The following CHLSN variants were observed in gnomAD, a reference collection of about 807,000 sequenced individuals.
The protein encoded by CHLSN is cholesin.
the CHLSN span, among the ~76,000 whole-genome samples, chr7:990,764 C>T: frequency 6.6e-6 from 1 of 152,086 alleles, no homozygotes; most frequent in Non-Finnish European, 1.5e-5. Context: ...TGAAATATGA[C>T]ACTGAAAACT....
the CHLSN span, among the ~76,000 whole-genome samples, chr7:998,457 C>CTTTTTTTTTTT: frequency 7.4e-5 from 7 of 95,012 alleles, no homozygotes; most frequent in Non-Finnish European, 1.0e-4. Context: ...GTCTTAGATT[C>CTTTTTTTTTTT]TTTTTTTTTT....
the CHLSN span, chr7:1,028,225 G>A: frequency 6.5e-6 from 7 of 1,077,886 alleles, no homozygotes; most frequent in African/African-American, 1.0e-4. Context: ...CCTCCCTGCA[G>A]CCCGAATGCG....
At chr7:1,078,049 G>A in the CHLSN span, 1 of 152,172 alleles carries the variant, frequency 6.6e-6, no homozygotes, top group Non-Finnish European at 1.5e-5. Context: ...TTAAATAAAA[G>A]AAAATACGGT....
the CHLSN span, among the ~76,000 whole-genome samples, chr7:1,077,023 C>T: frequency 7.9e-5 from 12 of 152,272 alleles, no homozygotes; most frequent in African/African-American, 1.2e-4. Context: ...CCGAGACCCC[C>T]GGCCTGGGCC....
the CHLSN span, among the ~76,000 whole-genome samples, chr7:994,213 A>C: frequency 3.9e-5 from 6 of 152,222 alleles, no homozygotes; most frequent in Admixed American, 2.0e-4. Flanking sequence ...GCTGGAGTGC[A>C]ATGGCACGAT....
At chr7:1,136,129 AAT>A in the CHLSN span, among the ~76,000 whole-genome samples, 7 of 81,080 alleles carry the variant, frequency 8.6e-5, no homozygotes, top group African/African-American at 1.4e-4. Context: ...AATATATATA[AAT>A]ATATACATAA....
chr7:1,007,058 G>A, the CHLSN span, among the ~76,000 whole-genome samples: 8 of 152,208 alleles, frequency 5.3e-5, no homozygotes, highest in Admixed American at 1.3e-4. Context: ...CTGGGTCGAC[G>A]TGTCTTGGGG....
chr7:988,373 A>G, the CHLSN span: 1 of 1,612,654 alleles, frequency 6.2e-7, no homozygotes, highest in Non-Finnish European at 8.5e-7. Context: ...CCTGGACGCG[A>G]ATGGGCACTT....
chr7:1,027,539 C>A, the CHLSN span, among the ~76,000 whole-genome samples: 2 of 152,276 alleles, frequency 1.3e-5, no homozygotes, highest in African/African-American at 4.8e-5. Flanking sequence ...CCGGCTGAGC[C>A]CCGACGCAGC....
At chr7:981,932 C>A in the CHLSN span, among the ~76,000 whole-genome samples, 1 of 152,072 alleles carries the variant, frequency 6.6e-6, no homozygotes, top group Non-Finnish European at 1.5e-5. Flanking sequence ...ATTTGGGAGG[C>A]TGAGGTGGGA....
chr7:988,164 C>G, the CHLSN span: 1 of 1,279,630 alleles, frequency 7.8e-7, no homozygotes, highest in Non-Finnish European at 1.1e-6. Context: ...GGTGGGCTAA[C>G]ACCAGGTGTG....
At chr7:1,057,103 G>A in the CHLSN span, among the ~76,000 whole-genome samples, 1 of 152,078 alleles carries the variant, frequency 6.6e-6, no homozygotes, top group South Asian at 2.1e-4. Context: ...TGTCCCTCCC[G>A]GCGCTGGCAA....
chr7:1,054,082 C>T, the CHLSN span, among the ~76,000 whole-genome samples: 2 of 152,304 alleles, frequency 1.3e-5, no homozygotes, highest in South Asian at 2.1e-4. Context: ...CTGACAAAGG[C>T]GGGAACCTGA....
chr7:983,127 C>T, the CHLSN span: 22 of 1,178,612 alleles, frequency 1.9e-5, no homozygotes, highest in African/African-American at 6.6e-5. Flanking sequence ...GGGTGGGGTG[C>T]GGGCACGCCC....
At chr7:1,021,846 G>A in the CHLSN span, among the ~76,000 whole-genome samples, 8 of 152,246 alleles carry the variant, frequency 5.3e-5, no homozygotes, top group Admixed American at 3.3e-4. Flanking sequence ...TGGGATGCGC[G>A]CCCTTCCGCG....
chr7:986,699 C>T, the CHLSN span: 47 of 1,612,462 alleles, frequency 2.9e-5, no homozygotes, highest in African/African-American at 3.2e-4. Context: ...CGAGGAGGTC[C>T]GTGCCATTCT....
the CHLSN span, among the ~76,000 whole-genome samples, chr7:1,112,413 C>T: frequency 1.3e-5 from 2 of 152,172 alleles, no homozygotes; most frequent in African/African-American, 2.4e-5. Context: ...CTCTGAGAGA[C>T]GCCTGGCAAG....
At chr7:1,017,717 G>A in the CHLSN span, among the ~76,000 whole-genome samples, 1 of 151,826 alleles carries the variant, frequency 6.6e-6, no homozygotes, top group Non-Finnish European at 1.5e-5. Flanking sequence ...GCCGCGGGCA[G>A]CCGCGGACGG....
chr7:1,005,378 G>A, the CHLSN span, among the ~76,000 whole-genome samples: 2 of 152,248 alleles, frequency 1.3e-5, no homozygotes, highest in African/African-American at 4.8e-5. Flanking sequence ...TATTGAGACA[G>A]CATCTGAAGC....
Sources: gnomAD v4.1 joint callset for allele counts (sites outside exome capture counted in the v4.1 genomes callset) on GRCh38, gnomAD v4.1.1 for gene constraint, MANE v1.5 for transcripts, NCBI Gene and HGNC (gene_info 2026-07-23, HGNC 2026-07-21) for gene names.